The following UNC13C variants were observed in gnomAD, a reference collection of about 807,000 sequenced individuals.
UNC13C encodes the protein unc-13 homolog C.
In UNC13C, 174 loss-of-function variants were observed where a neutral mutation model predicts 245.4. The observed-to-expected ratio is 0.71, with a 90% CI of 0.63 to 0.80. The LOEUF is 0.80. Among genes scored for constraint, UNC13C ranks in the 30% least tolerant of loss-of-function variants. The probability of loss-of-function intolerance (pLI) is 0.00; values close to 1 mark genes in which losing one functional copy is unlikely to be tolerated. For synonymous variants in UNC13C, 992 were observed against 895.1 expected (o/e 1.11, Z -1.93); for missense variants, 2,829 against 2,602.9 (o/e 1.09, Z -1.89).
At chr15:54,210,589 T>G (rs553742505) in intron 4 of UNC13C, among the ~76,000 whole-genome samples, 5 of 152,132 alleles carry the variant, frequency 3.3e-5, no homozygotes, top group Admixed American at 3.3e-4. Flanking sequence ...TCTCTTTATA[T>G]GTTTATATGT....
At chr15:54,569,097 A>G (rs1378314944) in intron 30 of UNC13C, among the ~76,000 whole-genome samples, 1 of 152,196 alleles carries the variant, frequency 6.6e-6, no homozygotes, top group Non-Finnish European at 1.5e-5. Flanking sequence ...AAATACGAAT[A>G]CAATTCTAAT....
chr15:54,344,662 G>C (rs546910036), intron 17 of UNC13C, among the ~76,000 whole-genome samples: 1 of 152,196 alleles, frequency 6.6e-6, no homozygotes, highest in East Asian at 1.9e-4. Flanking sequence ...TATGATTAAG[G>C]CTTATCTCCC....
chr15:54,194,163 AGT>A (rs553567762), intron 4 of UNC13C, among the ~76,000 whole-genome samples: 1 of 152,108 alleles, frequency 6.6e-6, no homozygotes, highest in Non-Finnish European at 1.5e-5. Context: ...CGTGTAGACC[AGT>A]TTGGAGACTA....
the UNC13C span, chr15:53,947,618 A>G: frequency 2.6e-5 from 4 of 151,702 alleles, no homozygotes; most frequent in African/African-American, 9.7e-5. Flanking sequence ...TTTTGTTATG[A>G]CTCTTGAGCT....
chr15:54,318,828 A>G (rs1259597902), intron 13 of UNC13C, among the ~76,000 whole-genome samples: 1 of 151,844 alleles, frequency 6.6e-6, no homozygotes, highest in Non-Finnish European at 1.5e-5. Flanking sequence ...AAAAATAATT[A>G]TGTCATTTTT....
chr15:53,952,630 C>T, the UNC13C span, among the ~76,000 whole-genome samples: 3 of 152,164 alleles, frequency 2.0e-5, no homozygotes, highest in Admixed American at 6.5e-5. Context: ...GGGCTGTGAT[C>T]TGGGCATCAG....
intron 19 of UNC13C, among the ~76,000 whole-genome samples, chr15:54,416,405 G>C (rs771040682): frequency 2.6e-5 from 4 of 151,980 alleles, no homozygotes; most frequent in African/African-American, 9.7e-5. Flanking sequence ...ATAAAGTCAG[G>C]CTCTCCCACT....
In UNC13C at chr15:54,236,769, T is replaced by C. The variant is rs190707065; in HGVS notation, c.3156+334T>C. Among the ~76,000 whole-genome samples the C allele has an allele frequency of 7.2e-5, 11 of 152,328 alleles. No individual in the cohort carries two copies. In the East Asian group the frequency reaches 1.9e-3, roughly 27 times the overall value. On this transcript the variant is annotated intron_variant, in intron 6 of 32. Coordinates refer to ENST00000260323, the MANE Select transcript of UNC13C (RefSeq NM_001080534.3). The stretch of plus-strand genomic sequence containing the variant: ...GGAGAGTGACATTCTTACTCAGGTG[T>C]ATGCTGAATTTTATTTGAGTTAATG...
intron 2 of UNC13C, among the ~76,000 whole-genome samples, chr15:54,078,154 G>A (rs1389016186): frequency 5.3e-5 from 8 of 152,126 alleles, no homozygotes; most frequent in Admixed American, 5.2e-4. Context: ...GATGAATGAA[G>A]CTGGAGGCTA....
intron 1 of UNC13C, among the ~76,000 whole-genome samples, chr15:53,981,671 T>G (rs1390120915): frequency 6.6e-6 from 1 of 152,188 alleles, no homozygotes; most frequent in African/African-American, 2.4e-5. Context: ...CTTTTGAGAA[T>G]GCAAAAGACT....
chr15:54,338,263 C>G, intron 16 of UNC13C, 98 bp from the exon 17 acceptor site: 1 of 1,333,810 alleles, frequency 7.5e-7, no homozygotes. Context: ...ATAGAAAAAT[C>G]GACTGAAAGT....
chr15:54,612,650 C>T (rs1021050629), intron 30 of UNC13C, among the ~76,000 whole-genome samples: 22 of 151,884 alleles, frequency 1.4e-4, no homozygotes, highest in African/African-American at 4.8e-4. Context: ...ACTCTAATTT[C>T]GCACAGTCTT....
chr15:54,503,443 T>C (rs1415017187), intron 22 of UNC13C, among the ~76,000 whole-genome samples: 1 of 151,578 alleles, frequency 6.6e-6, no homozygotes, highest in Admixed American at 6.6e-5. Context: ...CCTTTTTTTT[T>C]TTTTTCTTTT....
chr15:54,326,594 G>C (rs2038303081), intron 14 of UNC13C, among the ~76,000 whole-genome samples: 1 of 151,994 alleles, frequency 6.6e-6, no homozygotes, highest in African/African-American at 2.4e-5. Context: ...CTAGTTTTTG[G>C]TAAGTGGAAC....
At chr15:54,216,816 A>G (rs551701049) in intron 4 of UNC13C, among the ~76,000 whole-genome samples, 1 of 152,072 alleles carries the variant, frequency 6.6e-6, no homozygotes, top group South Asian at 2.1e-4. Context: ...GTAATTTTAT[A>G]TATTTTTCAT....
chr15:54,189,022 T>G (rs1212643628), intron 4 of UNC13C, among the ~76,000 whole-genome samples: 2 of 152,170 alleles, frequency 1.3e-5, no homozygotes, highest in Non-Finnish European at 2.9e-5. Flanking sequence ...GAATGCTGGT[T>G]TTTAGGTGAA....
intron 8 of UNC13C, among the ~76,000 whole-genome samples, chr15:54,262,751 C>G (rs1259383956): frequency 1.3e-5 from 2 of 151,988 alleles, no homozygotes; most frequent in South Asian, 2.1e-4. Context: ...GTAGACTGCT[C>G]TTTCTACCAC....
chr15:54,346,307 G>A (rs2038858973), intron 17 of UNC13C, among the ~76,000 whole-genome samples: 1 of 152,084 alleles, frequency 6.6e-6, no homozygotes, highest in South Asian at 2.1e-4. Context: ...AAAACCTATG[G>A]TAAGGAACAT....
chr15:54,120,015 G>T (rs1489497643), intron 2 of UNC13C, among the ~76,000 whole-genome samples: 1 of 152,104 alleles, frequency 6.6e-6, no homozygotes. Context: ...AAAGTACAAG[G>T]CAAAGCAAAG....
Sources: gnomAD v4.1 joint callset for allele counts (sites outside exome capture counted in the v4.1 genomes callset) on GRCh38, gnomAD v4.1.1 for gene constraint, MANE v1.5 for transcripts, NCBI Gene and HGNC (gene_info 2026-07-23, HGNC 2026-07-21) for gene names.